The following LPAR5 variants were observed in gnomAD, a reference collection of about 807,000 sequenced individuals.
LPAR5 encodes the protein lysophosphatidic acid receptor 5.
For missense variants in LPAR5, 544 were observed against 521.8 expected, an observed-to-expected ratio of 1.04 and a Z score of -0.41; for synonymous variants, 271 against 261.6, an observed-to-expected ratio of 1.04 and a Z score of -0.35.
At chr12:6,630,560 C>G (rs948259445) in intron 1 of LPAR5, among the ~76,000 whole-genome samples, 1 of 147,316 alleles carries the variant, frequency 6.8e-6, no homozygotes, top group African/African-American at 2.5e-5. Flanking sequence ...TCAAGCAATT[C>G]TCTTGTCTCA....
At chr12:6,629,959 A>G (rs1167758150) in intron 1 of LPAR5, among the ~76,000 whole-genome samples, 5 of 147,336 alleles carry the variant, frequency 3.4e-5, no homozygotes, top group South Asian at 4.4e-4. Context: ...AGGAGGCGGA[A>G]GTTGCAGTGA....
At chr12:6,625,375 A>G (rs1418639971) in intron 1 of LPAR5, among the ~76,000 whole-genome samples, 2 of 141,906 alleles carry the variant, frequency 1.4e-5, no homozygotes, top group Non-Finnish European at 3.0e-5. Context: ...CAGTGAGCCG[A>G]GATTGAGCCA....
intron 1 of LPAR5, among the ~76,000 whole-genome samples, chr12:6,634,149 GT>G (rs1383444195): frequency 6.6e-6 from 1 of 152,126 alleles, no homozygotes; most frequent in African/African-American, 2.4e-5. Context: ...GGGACTATAG[GT>G]GCGTGCCACC....
intron 1 of LPAR5, among the ~76,000 whole-genome samples, chr12:6,635,539 G>A (rs1166105357): frequency 1.3e-5 from 2 of 152,100 alleles, no homozygotes; most frequent in African/African-American, 4.8e-5. Context: ...AGGTTTAACT[G>A]CGAGTGGAAA....
rs1948876655 is a variant in LPAR5, at chr12:6,620,195, G to A, written c.1054C>T (p.Leu352Phe). 2 of 1,613,168 alleles carry A rather than the reference G, an allele frequency of 1.2e-6. No homozygotes were observed. Among genetic ancestry groups the A allele is most frequent in the East Asian group, 2.2e-5 (1 of 44,868 alleles). ...AGAGAGTGGGAGTCGGAGGGTCGGA[G>A]CAGCCCCTGACTGGCGGCATCCGGC... ...TRPDAASQGL[L>F]RPSDSHSLSS... The change falls in exon 2 of 2, where the codon CTC becomes TTC. Residue 352 changes from leucine to phenylalanine, a missense_variant. Leu to Phe is a conservative substitution (Grantham distance 22, BLOSUM62 0). Transcript: ENST00000329858. This position sits in a 1 kb window ranked among gnomAD's most constrained non-coding sequence, Gnocchi z 6.8.
chr12:6,624,696 C>G (rs896457004), intron 1 of LPAR5, among the ~76,000 whole-genome samples: 3 of 152,216 alleles, frequency 2.0e-5, no homozygotes, highest in African/African-American at 7.2e-5. Flanking sequence ...TCTCGGCTCA[C>G]CGCAACCTCT....
At chr12:6,623,627 TCTTC>T (rs1045604167) in intron 1 of LPAR5, among the ~76,000 whole-genome samples, 2 of 152,208 alleles carry the variant, frequency 1.3e-5, no homozygotes, top group South Asian at 2.1e-4. Flanking sequence ...TCTCAAGATC[TCTTC>T]CTTCCTTCTT....
At chr12:6,625,726 A>T (rs1189483670) in intron 1 of LPAR5, among the ~76,000 whole-genome samples, 1 of 151,926 alleles carries the variant, frequency 6.6e-6, no homozygotes, top group Non-Finnish European at 1.5e-5. Flanking sequence ...GTCTCAAAAA[A>T]AAAAAAAGGA....
intron 1 of LPAR5, among the ~76,000 whole-genome samples, chr12:6,625,293 C>T (rs1001062705): frequency 4.0e-5 from 6 of 150,148 alleles, no homozygotes; most frequent in East Asian, 2.0e-4. Flanking sequence ...GGCGTGGTGG[C>T]AGGCGCCTGT....
Position 6,620,162 on chromosome 12 carries a change from A to C in LPAR5, c.1087T>G (p.Phe363Val). The change falls in exon 2 of 2, where the codon TTC (phenylalanine) becomes GTC (valine). Residue 363 changes from phenylalanine (F) to valine (V), a missense_variant. By Grantham distance (50) the Phe-to-Val change is conservative. Transcript: ENST00000329858. The surrounding 1 kb of genome is among the most constrained non-coding windows in gnomAD (Gnocchi z 6.8). ...RPSDSHSLSSFTQCPQDSAL is the reference protein window; with the variant it reads ...RPSDSHSLSSVTQCPQDSAL ...GCGGAATCCTGGGGACACTGTGTGA[A>C]GGAAGACAGAGAGTGGGAGTCGGAG... The C allele has an allele frequency of 6.2e-7, 1 of 1,613,498 alleles. No individual in the cohort carries two copies.
At chr12:6,622,575 C>T (rs1948904515) in intron 1 of LPAR5, among the ~76,000 whole-genome samples, 2 of 147,842 alleles carry the variant, frequency 1.4e-5, no homozygotes, top group South Asian at 4.3e-4. Flanking sequence ...ATGGCAAAAT[C>T]CTGTCTCTAC....
chr12:6,621,430 G>A lies in LPAR5; in HGVS notation c.-182C>T. On this transcript the variant is annotated 5_prime_UTR_variant, in exon 2 of 2. Transcript: ENST00000329858. ...GGGACAGATGGCTGCCAAGGGTTGG[G>A]TGCGTTTGGTCACAGCTTCATCAGC... 1 of 523,020 alleles carries A rather than the reference G, an allele frequency of 1.9e-6. No individual in the cohort carries two copies. The highest frequency in any genetic ancestry group is 3.5e-5 in the East Asian group (1 of 28,522). 32.4% of individuals were successfully genotyped at this position (523,020 alleles called of 1,614,324 possible). A position where few individuals can be genotyped will look rare whatever the true frequency, so the allele number is the denominator to read the frequency against.
intron 1 of LPAR5, among the ~76,000 whole-genome samples, chr12:6,631,354 C>T (rs1472764963): frequency 6.6e-6 from 1 of 152,182 alleles, no homozygotes; most frequent in African/African-American, 2.4e-5. Context: ...GCCTTAGGGA[C>T]AGTATCCTTA....
intron 1 of LPAR5, among the ~76,000 whole-genome samples, chr12:6,625,282 G>A (rs1018366309): frequency 2.9e-4 from 44 of 150,646 alleles, no homozygotes; most frequent in African/African-American, 1.0e-3. Flanking sequence ...AAAATTAGCC[G>A]GGCGTGGTGG....
At chr12:6,632,393 T>G (rs1010482057) in intron 1 of LPAR5, among the ~76,000 whole-genome samples, 3 of 152,198 alleles carry the variant, frequency 2.0e-5, no homozygotes, top group Non-Finnish European at 4.4e-5. Context: ...AGCTCTGGAA[T>G]AGCCCCACCC....
chr12:6,626,504 G>A (rs1045099102), intron 1 of LPAR5, among the ~76,000 whole-genome samples: 6 of 152,034 alleles, frequency 3.9e-5, no homozygotes, highest in Admixed American at 3.9e-4. Flanking sequence ...ACAGTTAAAG[G>A]GAATAAAGAA....
At chr12:6,631,133 A>T (rs1948978414) in intron 1 of LPAR5, among the ~76,000 whole-genome samples, 1 of 152,190 alleles carries the variant, frequency 6.6e-6, no homozygotes, top group South Asian at 2.1e-4. Flanking sequence ...AGGGACATGG[A>T]GGCCCCCATA....
chr12:6,630,649 A>G (rs1408500933), intron 1 of LPAR5, among the ~76,000 whole-genome samples: 1 of 151,354 alleles, frequency 6.6e-6, no homozygotes, highest in African/African-American at 2.4e-5. Context: ...GACAGGTTTC[A>G]CCATATTGGT....
chr12:6,620,452 G>A lies in LPAR5; in HGVS notation c.797C>T (p.Ala266Val). 1 of 1,594,100 alleles carries A rather than the reference G, an allele frequency of 6.3e-7. No individual in the cohort carries two copies. The highest frequency in any genetic ancestry group is 8.5e-7 in the Non-Finnish European group (1 of 1,170,776). ...VYGLLRSKLV[A>V]ASVPARDRVR... Reference sequence around the variant, plus strand: ...GCGATCGCGGGCAGGCACGCTGGCCGCCACCAGCTTGCTCCGCAGCAGCCC... The same window carrying A: ...GCGATCGCGGGCAGGCACGCTGGCCACCACCAGCTTGCTCCGCAGCAGCCC... The change falls in exon 2 of 2, where the codon GCG (alanine) becomes GTG (valine). Residue 266 changes from alanine to valine, a missense_variant. Ala to Val is a moderately conservative substitution (Grantham distance 64, BLOSUM62 0). Coordinates refer to ENST00000329858, the MANE Select transcript of LPAR5 (RefSeq NM_020400.6). This position sits in a 1 kb window ranked among gnomAD's most constrained non-coding sequence, Gnocchi z 6.8.
Sources: allele counts gnomAD v4.1 joint callset (sites outside exome capture counted in the v4.1 genomes callset), GRCh38; gene constraint gnomAD v4.1.1; non-coding constraint Gnocchi (gnomAD v3.1); transcripts MANE v1.5; gene names NCBI Gene and HGNC (gene_info 2026-07-23, HGNC 2026-07-21).